The following LPAR6 variants were observed in gnomAD, a reference collection of about 807,000 sequenced individuals.
The protein encoded by LPAR6 is lysophosphatidic acid receptor 6.
A neutral mutation model predicts 22.0 loss-of-function variants in LPAR6; 17 were observed. That is an observed-to-expected ratio of 0.77 (90% CI 0.53 to 1.16). The LOEUF (loss-of-function observed/expected upper bound fraction) is 1.16. LPAR6 is among the 50% of genes most tolerant of loss of function. LPAR6 has a pLI of 0.00. For missense variants in LPAR6, 384 were observed against 406.9 expected, an observed-to-expected ratio of 0.94 and a Z score of 0.48; for synonymous variants, 136 against 139.8, an observed-to-expected ratio of 0.97 and a Z score of 0.19.
At chr13:48,425,713 C>T (rs756882414) in intron 1 of LPAR6, among the ~76,000 whole-genome samples, 1 of 152,092 alleles carries the variant, frequency 6.6e-6, no homozygotes, top group Non-Finnish European at 1.5e-5. Context: ...ATGACATGAC[C>T]TTGAGCAAAT....
chr13:48,427,102 C>T (rs1270024459), upstream of LPAR6, among the ~76,000 whole-genome samples: 1 of 152,212 alleles, frequency 6.6e-6, no homozygotes, highest in South Asian at 2.1e-4. Flanking sequence ...GAGGGATCCA[C>T]CCCCCTGATG....
chr13:48,433,401 A>G (rs1259124565), intron 1 of LPAR6, among the ~76,000 whole-genome samples: 6 of 151,956 alleles, frequency 3.9e-5, no homozygotes, highest in Admixed American at 6.5e-5. Flanking sequence ...GATGTATACT[A>G]TTTGAAGAAG....
intron 1 of LPAR6, among the ~76,000 whole-genome samples, chr13:48,405,356 T>G (rs1948730537): frequency 6.6e-6 from 1 of 152,304 alleles, no homozygotes; most frequent in East Asian, 1.9e-4. Flanking sequence ...AAAGAAAATT[T>G]GCCTTTTTTC....
At chr13:48,398,065 G>T (rs773807694) in intron 1 of LPAR6, among the ~76,000 whole-genome samples, 4 of 152,094 alleles carry the variant, frequency 2.6e-5, no homozygotes, top group Non-Finnish European at 5.9e-5. Context: ...AAAAGCATGG[G>T]CCAGGACAAT....
downstream of LPAR6, among the ~76,000 whole-genome samples, chr13:48,409,937 CTT>C (rs901592550): frequency 6.6e-6 from 1 of 151,936 alleles, no homozygotes. Flanking sequence ...GTACTTGGTA[CTT>C]TTTTTCTAAA....
Position 48,411,932 on chromosome 13 carries a change from G to A in LPAR6, c.492C>T (p.Ala164=), listed in dbSNP as rs996384876. 1.2e-6 allele frequency: 2 copies of A among 1,612,412 alleles called. No homozygotes were observed. Among genetic ancestry groups the A allele is most frequent in the Non-Finnish European group, 1.7e-6 (2 of 1,179,200 alleles). ...GAAAATTTTCAAAGCAGGCTTCTGA[G>A]GCATTGTTACCCTGAGAGTGGGTAG... ...VQSTHSQGNN[A]SEACFENFPE... The change falls in exon 1 of 1, where the codon GCC becomes GCT. Residue 164 remains alanine (A), a synonymous_variant. Transcript: ENST00000620633.
upstream of LPAR6, among the ~76,000 whole-genome samples, chr13:48,418,000 G>A (rs1175585942): frequency 1.3e-5 from 2 of 152,110 alleles, no homozygotes; most frequent in Admixed American, 6.5e-5. Context: ...AGCACGACAG[G>A]CCAACATTCC....
intron 1 of LPAR6, among the ~76,000 whole-genome samples, chr13:48,403,998 C>T (rs1193200761): frequency 1.3e-5 from 2 of 152,028 alleles, no homozygotes; most frequent in Non-Finnish European, 2.9e-5. Context: ...GAGACACTGT[C>T]TCAAAGAAAA....
chr13:48,444,262 A>G (rs1008636682), intron 1 of LPAR6, among the ~76,000 whole-genome samples: 1 of 152,184 alleles, frequency 6.6e-6, no homozygotes, highest in Non-Finnish European at 1.5e-5. Context: ...CAAGCCTGTA[A>G]TCCCAGCACT....
chr13:48,429,025 A>C (rs1385455612), upstream of LPAR6, among the ~76,000 whole-genome samples: 5 of 152,206 alleles, frequency 3.3e-5, no homozygotes, highest in Non-Finnish European at 7.3e-5. Context: ...ATATACCTGA[A>C]TTCTTTTGCT....
downstream of LPAR6, chr13:48,406,521 T>C (rs1948741496): frequency 1.3e-5 from 2 of 152,228 alleles, no homozygotes; most frequent in African/African-American, 4.8e-5. Flanking sequence ...CTACCCTGTA[T>C]CAGACGAATC....
chr13:48,424,223 C>A (rs1478984339), intron 1 of LPAR6: 1 of 152,128 alleles, frequency 6.6e-6, no homozygotes, highest in Admixed American at 6.5e-5. Context: ...TATCTTTTAG[C>A]CTAAGGAGAA....
intron 1 of LPAR6, among the ~76,000 whole-genome samples, chr13:48,402,453 C>T (rs1948701458): frequency 6.8e-6 from 1 of 147,728 alleles, no homozygotes; most frequent in African/African-American, 2.5e-5. Flanking sequence ...TCATAGCTCA[C>T]TGAAGCCTTG....
chr13:48,400,442 A>G (rs1400802959), intron 1 of LPAR6, among the ~76,000 whole-genome samples: 2 of 152,004 alleles, frequency 1.3e-5, no homozygotes, highest in African/African-American at 2.4e-5. Context: ...CTTTTAGTGT[A>G]TATTAGTTTA....
intron 1 of LPAR6, among the ~76,000 whole-genome samples, chr13:48,402,379 C>CTTTTTTTTTTTTTT (rs545934425): frequency 8.0e-6 from 1 of 125,726 alleles, no homozygotes; most frequent in Non-Finnish European, 1.6e-5. Context: ...TGTAGAAAAC[C>CTTTTTTTTTTTTTT]TTTTTTTTTT....
chr13:48,435,956 A>T (rs1163800230), intron 1 of LPAR6, among the ~76,000 whole-genome samples: 1 of 152,250 alleles, frequency 6.6e-6, no homozygotes, highest in African/African-American at 2.4e-5. Flanking sequence ...ATTAAAAGGC[A>T]GAGATTATCA....
At chr13:48,405,536 GT>G (rs1378358465) in intron 1 of LPAR6, among the ~76,000 whole-genome samples, 1 of 152,144 alleles carries the variant, frequency 6.6e-6, no homozygotes, top group African/African-American at 2.4e-5. Context: ...CATAAATTTT[GT>G]TTTAACACAG....
intron 1 of LPAR6, among the ~76,000 whole-genome samples, chr13:48,440,741 G>T (rs1157524612): frequency 6.6e-6 from 1 of 152,072 alleles, no homozygotes; most frequent in Non-Finnish European, 1.5e-5. Flanking sequence ...GTAAAAAAGA[G>T]ACATCTCTTA....
chr13:48,430,714 T>C (rs947910145), upstream of LPAR6, among the ~76,000 whole-genome samples: 1 of 151,886 alleles, frequency 6.6e-6, no homozygotes, highest in African/African-American at 2.4e-5. Flanking sequence ...CACTCTAGCC[T>C]GGGTGACAGA....
Sources: allele counts gnomAD v4.1 joint callset (sites outside exome capture counted in the v4.1 genomes callset), GRCh38; gene constraint gnomAD v4.1.1; transcripts MANE v1.5; gene names NCBI Gene and HGNC (gene_info 2026-07-23, HGNC 2026-07-21).